The following GFAP variants were observed in gnomAD, a reference collection of about 807,000 sequenced individuals.
GFAP encodes intermediate filament protein.
A neutral mutation model predicts 49.3 loss-of-function variants in GFAP; 38 were observed. The observed-to-expected ratio is 0.77, with a 90% confidence interval of 0.60 to 1.01. The LOEUF (loss-of-function observed/expected upper bound fraction) is 1.01. Among genes scored for constraint, GFAP ranks in the 50% least tolerant of loss-of-function variants. The pLI is 0.00. For synonymous variants in GFAP, 222 were observed against 236.4 expected (o/e 0.94, Z 0.56); for missense variants, 463 against 579.1 (o/e 0.80, Z 2.06).
chr17:44,905,213 T>A lies in GFAP; in HGVS notation c.*2134A>T. On this transcript the variant is annotated 3_prime_UTR_variant, in exon 9 of 9. Transcript: ENST00000588735. Reference sequence around the variant, plus strand: ...TGTTACAGCCTGCTCCCCATTTTCATGGGCAGGTCTGGGACCTGATCTGAG... The same window carrying A: ...TGTTACAGCCTGCTCCCCATTTTCAAGGGCAGGTCTGGGACCTGATCTGAG... 1.5e-6 allele frequency: 1 copy of A among 673,936 alleles called. No individual in the cohort carries two copies. Among genetic ancestry groups the A allele is most frequent in the Non-Finnish European group, 2.6e-6 (1 of 391,950 alleles). 41.7% of individuals were successfully genotyped at this position (673,936 alleles called of 1,614,324 possible). A position where few individuals can be genotyped will look rare whatever the true frequency, so the allele number is the denominator to read the frequency against.
rs9908084 is a variant in GFAP, at chr17:44,910,155, G to A, written c.1171+460C>T. 248,096 of 1,613,574 alleles carry A rather than the reference G, an allele frequency of 0.15. 19,983 individuals are homozygous for A. Among genetic ancestry groups the A allele is most frequent in the Middle Eastern group, 0.2 (1,203 of 6,060 alleles). On this transcript the variant is annotated intron_variant, in intron 7 of 8. Coordinates refer to ENST00000588735, the MANE Select transcript of GFAP (RefSeq NM_002055.5). Reference sequence around the variant, plus strand: ...AGGCAGCTAACCGCGAGCCGGCGGCGTTCCATTTACAATCTGGTGAGCCTG... The same window carrying A: ...AGGCAGCTAACCGCGAGCCGGCGGCATTCCATTTACAATCTGGTGAGCCTG...
At chr17:44,911,942 G>A (rs886882909) in intron 4 of GFAP, 145 bp from the exon 5 acceptor site, 2 of 898,942 alleles carry the variant, frequency 2.2e-6, no homozygotes, top group African/African-American at 3.3e-5. Flanking sequence ...ACCCATGGAT[G>A]CGGGCAGGGT....
At position 44,915,496 on chromosome 17, in the gene GFAP, G is replaced by T; in HGVS notation, c.-10C>A. 3 of 1,552,948 alleles carry T rather than the reference G, an allele frequency of 1.9e-6. No homozygotes were observed. The highest frequency in any genetic ancestry group is 2.6e-6 in the Non-Finnish European group (3 of 1,149,004). On this transcript the variant is annotated 5_prime_UTR_variant, in exon 1 of 9. Coordinates refer to ENST00000588735, the MANE Select transcript of GFAP (RefSeq NM_002055.5). This position sits in a 1 kb window ranked among gnomAD's most constrained non-coding sequence, Gnocchi z 4.1. ...TGCGTCTCCTCTCCATCCTGCTCTG[G>T]CTCTGCTCGCTCCTGGGATGCGAGG... is the stretch of plus-strand genomic sequence containing the variant.
In GFAP at chr17:44,915,443, A is replaced by G; in HGVS notation, c.44T>C (p.Val15Ala). 1 of 1,609,066 alleles carries G rather than the reference A, an allele frequency of 6.2e-7. No individual in the cohort carries two copies. The highest frequency in any genetic ancestry group is 8.5e-7 in the Non-Finnish European group (1 of 1,178,182). Residue 15 changes from valine (V) to alanine (A), a missense_variant, in exon 1 of 9, where the codon GTC becomes GCC. Around this residue, in one of 3 missense-constraint regions of GFAP, gnomAD observed 89 missense variants for 87.5 expected, o/e 1.02. Transcript: ENST00000588735. This position sits in a 1 kb window ranked among gnomAD's most constrained non-coding sequence, Gnocchi z 4.1. ...CCCCACCATCATCTCCCCTGAGGAG[A>G]CGTAGGAGCGGCGAGCAGCGGAGGT... ...RITSAARRSY[V>A]SSGEMMVGGL...
rs572750435 is a variant in GFAP, at chr17:44,913,567, G to A, written c.619-137C>T. On this transcript the variant is annotated intron_variant, in intron 3 of 8. Coordinates refer to ENST00000588735, the MANE Select transcript of GFAP (RefSeq NM_002055.5). ...CTCTTGTCTCTTTCCGTCTCCCTTA[G>A]TGTCTTTCTGTTTGTCTTTCATTTC... The A allele has an allele frequency of 1.3e-5, 14 of 1,091,724 alleles. No individual in the cohort carries two copies. The African/African-American group carries it at 1.5e-4, about 12-fold the overall frequency. 67.6% of individuals were successfully genotyped at this position (1,091,724 alleles called of 1,614,324 possible).
chr17:44,907,410 C>T, intron 8 of GFAP, 22 bp from the exon 9 acceptor site: 1 of 1,568,352 alleles, frequency 6.4e-7, no homozygotes, highest in Non-Finnish European at 8.8e-7. Flanking sequence ...AGGGAACGTG[C>T]ACAGTGCAAC....
At position 44,911,316 on chromosome 17, in the gene GFAP, G is replaced by A. The variant is rs1426098253; in HGVS notation, c.1047C>T (p.Tyr349=). ...CCAGCTTGACATTGAGCAGGTCCTG[G>A]TACTCCTGCAAGTGGCGGGCCATCT... ...KDEMARHLQE[Y]QDLLNVKLAL... Residue 349 remains tyrosine (Y), a synonymous_variant, in exon 6 of 9, where the codon TAC becomes TAT. Transcript: ENST00000588735. 3.7e-6 allele frequency: 6 copies of A among 1,614,016 alleles called. No homozygotes were observed. In the African/African-American group the frequency reaches 4.0e-5, roughly 11 times the overall value.
chr17:44,915,071 A>G lies in GFAP; in HGVS notation c.416T>C (p.Val139Ala). The stretch of plus-strand genomic sequence containing the variant: ...GTCCTGTGCCAGATTGTCCCTCTCA[A>G]CCTCCAGCCGGGCGCTGTTGGCGGT... ...QLTANSARLE[V>A]ERDNLAQDLA... is the part of the protein sequence containing the mutation. The change falls in exon 1 of 9, where the codon GTT (valine) becomes GCT (alanine). Residue 139 changes from valine to alanine, a missense_variant. Val to Ala is a moderately conservative substitution (Grantham distance 64). Transcript: ENST00000588735. The surrounding 1 kb of genome is among the most constrained non-coding windows in gnomAD (Gnocchi z 4.1). 12 of 1,611,708 alleles carry G rather than the reference A, an allele frequency of 7.4e-6. No homozygotes were observed. The highest frequency in any genetic ancestry group is 9.3e-6 in the Non-Finnish European group (11 of 1,179,702).
rs773456179 is a variant in GFAP at position 44,915,473 on chromosome 17, C to T, written c.14G>A (p.Arg5His). 6.3e-5 allele frequency: 99 copies of T among 1,583,782 alleles called. 1 individual carries two copies. Among genetic ancestry groups the T allele is most frequent in the Non-Finnish European group, 8.0e-5 (93 of 1,166,040 alleles). MERR[R>H]ITSAARRSYV... ...GGAGCGGCGAGCAGCGGAGGTGATG[C>T]GTCTCCTCTCCATCCTGCTCTGGCT... The change falls in exon 1 of 9, where the codon CGC becomes CAC. Residue 5 changes from arginine to histidine, a missense_variant. Coordinates refer to ENST00000588735, the MANE Select transcript of GFAP (RefSeq NM_002055.5). This position sits in a 1 kb window ranked among gnomAD's most constrained non-coding sequence, Gnocchi z 4.1.
rs768901599 is a variant in GFAP at position 44,911,658 on chromosome 17, C to G, written c.906+14G>C. The G allele has an allele frequency of 1.9e-6, 3 of 1,611,298 alleles. No homozygotes were observed. The highest frequency in any genetic ancestry group is 1.1e-5 in the South Asian group (1 of 91,056). ...CTGCTCCGCCCGTCCCCGTCCTGCC[C>G]TGGCCGCGCTCACCGTGCCGCGCAG... On this transcript the variant is annotated intron_variant, in intron 5 of 8. Transcript: ENST00000588735.
rs1385363719 is a variant in GFAP at position 44,904,663 on chromosome 17, G to A, written c.*2684C>T. 6.4e-7 allele frequency: 1 copy of A among 1,550,584 alleles called. No individual in the cohort carries two copies. The highest frequency in any genetic ancestry group is 1.2e-5 in the South Asian group (1 of 84,064). ...CCCAGGTGCCCATTCAGTTCCACCAGCAGAGACTGGGCCATGGACTCATCA... is the reference window on the plus strand; with the variant it reads ...CCCAGGTGCCCATTCAGTTCCACCAACAGAGACTGGGCCATGGACTCATCA... On this transcript the variant is annotated 3_prime_UTR_variant, in exon 9 of 9. Transcript: ENST00000588735.
In GFAP at chr17:44,906,989, TAAC is replaced by T. The variant is rs2051661519; in HGVS notation, c.*355_*357del. The T allele has an allele frequency of 2.8e-6, 1 of 360,976 alleles. No individual in the cohort carries two copies. The highest frequency in any genetic ancestry group is 5.3e-6 in the Non-Finnish European group (1 of 188,512). The allele number at this position is 360,976 out of a possible 1,614,324, so 22.4% of individuals were successfully genotyped here. On this transcript the variant is annotated 3_prime_UTR_variant, in exon 9 of 9. Coordinates refer to ENST00000588735, the MANE Select transcript of GFAP (RefSeq NM_002055.5). ...CCTCCATCTCTGGCAACAGTTTCCA[TAAC>T]AACAGGAATCAGGGATGTGGAGGGC... is the stretch of plus-strand genomic sequence containing the variant.
chr17:44,912,975 C>G (rs1354124385), intron 4 of GFAP: 1 of 433,690 alleles, frequency 2.3e-6, no homozygotes, highest in East Asian at 4.7e-5. Flanking sequence ...GCTCTCTCAT[C>G]TGTCAAAGAA....
At chr17:44,913,134 T>C (rs2051811671) in intron 4 of GFAP, 135 bp downstream of exon 4, 5 of 871,144 alleles carry the variant, frequency 5.7e-6, no homozygotes, top group Admixed American at 3.4e-5. Context: ...GGGCAAGCCA[T>C]CTCACTTCTC....
At chr17:44,910,435 C>T (rs1442295794) in intron 7 of GFAP, 180 bp downstream of exon 7, 1 of 1,578,856 alleles carries the variant, frequency 6.3e-7, no homozygotes, top group Admixed American at 1.9e-5. Context: ...GCTGCAAGCC[C>T]CACCTAGAAG....
At chr17:44,914,338 C>T (rs145058241) in intron 1 of GFAP, 20 of 552,772 alleles carry the variant, frequency 3.6e-5, no homozygotes, top group South Asian at 1.5e-4. Context: ...CTCACACAGG[C>T]GCATCCACAA....
chr17:44,904,093 G>T lies in GFAP; in HGVS notation c.*3254C>A. 2 of 1,550,628 alleles carry T rather than the reference G, an allele frequency of 1.3e-6. No homozygotes were observed. The highest frequency in any genetic ancestry group is 2.4e-5 in the East Asian group (1 of 40,922). ...CGGACTTTGATGGGCGGGTGCTGAC[G>T]GAGGCAGCCCAGGTACGTGTGGGCA... On this transcript the variant is annotated 3_prime_UTR_variant, in exon 9 of 9. Coordinates refer to ENST00000588735, the MANE Select transcript of GFAP (RefSeq NM_002055.5).
chr17:44,905,604 A>G lies in GFAP; in HGVS notation c.*1743T>C, dbSNP rs2051641955. 1 of 157,716 alleles carries G rather than the reference A, an allele frequency of 6.3e-6. No individual in the cohort carries two copies. The highest frequency in any genetic ancestry group is 2.4e-5 in the African/African-American group (1 of 41,484). 9.8% of individuals were successfully genotyped at this position (157,716 alleles called of 1,614,324 possible). ...ATCTTGGCCCCAGTCCCGCCCTCTC[A>G]TGAACAGATCAGAGTCCACTCTGGG... On this transcript the variant is annotated 3_prime_UTR_variant, in exon 9 of 9. Coordinates refer to ENST00000588735, the MANE Select transcript of GFAP (RefSeq NM_002055.5).
At chr17:44,909,898 G>A (rs1387676537) in intron 7 of GFAP, 2 of 1,368,972 alleles carry the variant, frequency 1.5e-6, no homozygotes, top group African/African-American at 2.9e-5. Context: ...CCCCAGAGCA[G>A]CTCCACTGCG....
Sources: allele counts gnomAD v4.1 joint callset, GRCh38; gene constraint gnomAD v4.1.1; regional missense constraint gnomAD v4.1.1; non-coding constraint Gnocchi (gnomAD v3.1); transcripts MANE v1.5; gene names NCBI Gene and HGNC (gene_info 2026-07-23, HGNC 2026-07-21).